ABLIM1: variants seen among roughly 807,000 people sequenced by gnomAD.
The protein encoded by ABLIM1 is actin binding LIM protein 1.
In ABLIM1, 40 loss-of-function variants were observed where a neutral mutation model predicts 107.0. That is an observed-to-expected ratio of 0.37 (90% CI 0.29 to 0.49). ABLIM1 has a LOEUF of 0.49. Among genes scored for constraint, ABLIM1 ranks in the 20% least tolerant of loss-of-function variants. The pLI is 0.97. For missense variants in ABLIM1, 857 were observed against 1,008.5 expected (o/e 0.85, Z 2.04); for synonymous variants, 357 against 357.3 (o/e 1.00, Z 0.01).
intron 1 of ABLIM1, among the ~76,000 whole-genome samples, chr10:114,696,173 C>T (rs1211545626): frequency 5.3e-5 from 8 of 152,176 alleles, no homozygotes; most frequent in Admixed American, 5.2e-4. Context: ...CCAGGCTCCA[C>T]CCAGGGAATG....
intron 12 of ABLIM1, among the ~76,000 whole-genome samples, chr10:114,461,472 C>T (rs1192353530): frequency 6.6e-6 from 1 of 150,484 alleles, no homozygotes; most frequent in East Asian, 1.9e-4. Context: ...ATAATCTTGA[C>T]ATTTTATAAA....
intron 1 of ABLIM1, among the ~76,000 whole-genome samples, chr10:114,756,348 C>G (rs1003510104): frequency 1.3e-5 from 2 of 152,088 alleles, no homozygotes; most frequent in South Asian, 4.1e-4. Flanking sequence ...TCTGATAGGG[C>G]TAATCTCCCT....
chr10:114,721,681 C>T (rs1397739861), intron 1 of ABLIM1, among the ~76,000 whole-genome samples: 1 of 151,954 alleles, frequency 6.6e-6, no homozygotes, highest in Non-Finnish European at 1.5e-5. Context: ...GGGGTTTCAC[C>T]ATGTTGGCCC....
At chr10:114,585,391 AC>A (rs1285551045) in intron 2 of ABLIM1, among the ~76,000 whole-genome samples, 43 of 152,168 alleles carry the variant, frequency 2.8e-4, no homozygotes, top group Admixed American at 2.8e-3. Flanking sequence ...GTGTCTATAA[AC>A]TGACCTTATA....
At chr10:114,622,215 G>A (rs1165857316) in intron 1 of ABLIM1, among the ~76,000 whole-genome samples, 2 of 150,480 alleles carry the variant, frequency 1.3e-5, no homozygotes, top group African/African-American at 2.4e-5. Context: ...GAACAACCTT[G>A]CCACCTTTTC....
intron 2 of ABLIM1, among the ~76,000 whole-genome samples, chr10:114,599,118 G>A (rs1325645440): frequency 6.6e-6 from 1 of 152,186 alleles, no homozygotes; most frequent in African/African-American, 2.4e-5. Flanking sequence ...AGTAGCCATT[G>A]CCAGATTAAG....
intron 14 of ABLIM1, among the ~76,000 whole-genome samples, chr10:114,448,745 G>A (rs548809200): frequency 9.9e-5 from 15 of 152,048 alleles, no homozygotes; most frequent in Middle Eastern, 3.4e-3. Context: ...TCCCAAGTAG[G>A]TGGGATTAAA....
At chr10:114,544,663 A>G (rs1253781025) in intron 6 of ABLIM1, among the ~76,000 whole-genome samples, 1 of 152,148 alleles carries the variant, frequency 6.6e-6, no homozygotes, top group Middle Eastern at 3.2e-3. Context: ...GCACACATGC[A>G]CACATGGATG....
chr10:114,580,567 T>A (rs1392240770), intron 2 of ABLIM1, among the ~76,000 whole-genome samples: 1 of 152,212 alleles, frequency 6.6e-6, no homozygotes, highest in East Asian at 1.9e-4. Context: ...GGTTCTGTCA[T>A]TAATAAGTTG....
intron 1 of ABLIM1, among the ~76,000 whole-genome samples, chr10:114,643,932 G>A (rs2078862908): frequency 6.6e-6 from 1 of 151,600 alleles, no homozygotes; most frequent in Admixed American, 6.6e-5. Context: ...TAACATTTAA[G>A]ATTTCTACAG....
intron 1 of ABLIM1, among the ~76,000 whole-genome samples, chr10:114,672,287 G>A (rs1451629384): frequency 2.6e-5 from 4 of 151,868 alleles, no homozygotes; most frequent in African/African-American, 7.3e-5. Context: ...TGCAACCTCC[G>A]CCGCCCAGGT....
chr10:114,761,826 C>T (rs2082752515), intron 1 of ABLIM1, among the ~76,000 whole-genome samples: 1 of 152,060 alleles, frequency 6.6e-6, no homozygotes, highest in South Asian at 2.1e-4. Context: ...AAAGGCCTTC[C>T]CTCCATCCTA....
intron 7 of ABLIM1, among the ~76,000 whole-genome samples, chr10:114,489,523 C>CA (rs1011593909): frequency 2.4e-4 from 37 of 152,194 alleles, no homozygotes; most frequent in African/African-American, 8.9e-4. Context: ...AATAAACAAA[C>CA]AAAAAATTCA....
intron 1 of ABLIM1, among the ~76,000 whole-genome samples, chr10:114,724,313 C>T (rs1465877510): frequency 6.6e-6 from 1 of 151,962 alleles, no homozygotes; most frequent in African/African-American, 2.4e-5. Flanking sequence ...GTGGCCACTG[C>T]GAGGATCAAG....
At chr10:114,561,648 A>G (rs1420390353) in intron 4 of ABLIM1, among the ~76,000 whole-genome samples, 1 of 152,224 alleles carries the variant, frequency 6.6e-6, no homozygotes, top group African/African-American at 2.4e-5. Context: ...TTAAACAGCT[A>G]AATTTTTACT....
At chr10:114,661,818 C>T (rs1566197551), upstream of ABLIM1, among the ~76,000 whole-genome samples, 1 of 152,178 alleles carries the variant, frequency 6.6e-6, no homozygotes, top group African/African-American at 2.4e-5. Flanking sequence ...GAAAATGAAC[C>T]ATCAGTGGGA....
chr10:114,788,380 T>A, the ABLIM1 span, among the ~76,000 whole-genome samples: 1 of 146,482 alleles, frequency 6.8e-6, no homozygotes, highest in Non-Finnish European at 1.5e-5. Flanking sequence ...CAACCCAAGT[T>A]ACACAGCTAG....
chr10:114,676,551 A>C (rs540427394), intron 1 of ABLIM1, among the ~76,000 whole-genome samples: 2 of 152,226 alleles, frequency 1.3e-5, no homozygotes, highest in South Asian at 4.1e-4. Context: ...GACTGGATTT[A>C]TACGATTATG....
intron 2 of ABLIM1, among the ~76,000 whole-genome samples, chr10:114,588,135 T>C (rs1290109825): frequency 6.6e-6 from 1 of 152,204 alleles, no homozygotes; most frequent in Non-Finnish European, 1.5e-5. Flanking sequence ...TCATCATTGA[T>C]GATCATTTGA....
Sources: gnomAD v4.1 joint callset for allele counts (sites outside exome capture counted in the v4.1 genomes callset) on GRCh38, gnomAD v4.1.1 for gene constraint, MANE v1.5 for transcripts, NCBI Gene and HGNC (gene_info 2026-07-23, HGNC 2026-07-21) for gene names.